Variants in SLC9A2 observed in about 807,000 individuals in gnomAD.
SLC9A2 encodes sodium/hydrogen exchanger 2.
A neutral mutation model predicts 71.7 loss-of-function variants in SLC9A2; 42 were observed. That is an observed-to-expected ratio of 0.59 (90% CI 0.46 to 0.76). SLC9A2 has a LOEUF of 0.76. Among genes scored for constraint, SLC9A2 ranks in the 30% least tolerant of loss-of-function variants. SLC9A2 has a pLI of 0.00. For synonymous variants in SLC9A2, 396 were observed against 392.5 expected, an observed-to-expected ratio of 1.01 and a Z score of -0.10; for missense variants, 829 against 1,017.4, an observed-to-expected ratio of 0.81 and a Z score of 2.52.
At chr2:102,707,436 C>A (rs138262028) in intron 11 of SLC9A2, among the ~76,000 whole-genome samples, 1 of 151,972 alleles carries the variant, frequency 6.6e-6, no homozygotes, top group African/African-American at 2.4e-5. Flanking sequence ...AACAGTGGCC[C>A]GTGGTCCCAC....
rs765111679 is a variant in SLC9A2, at chr2:102,669,196, T to A, written c.1004+3846T>A. 7.2e-5 allele frequency among the ~76,000 whole-genome samples: 11 copies of A among 152,232 alleles called. 1 individual carries two copies. The highest frequency in any genetic ancestry group is 1.5e-5 in the Non-Finnish European group (1 of 68,038). On this transcript the variant is annotated intron_variant, in intron 3 of 11. Coordinates refer to ENST00000233969, the MANE Select transcript of SLC9A2 (RefSeq NM_003048.6). ...AATTAAATAATGAGGTGAAATCTTC[T>A]GTCTTACAAAATATTTGGAGAGATG...
intron 1 of SLC9A2, among the ~76,000 whole-genome samples, chr2:102,650,930 A>G (rs1250053355): frequency 6.6e-6 from 1 of 152,150 alleles, no homozygotes; most frequent in Admixed American, 6.6e-5. Flanking sequence ...TGTTTTAAGG[A>G]TTTCTGATTG....
chr2:102,660,125 G>A (rs1260149470), intron 2 of SLC9A2, among the ~76,000 whole-genome samples: 5 of 152,170 alleles, frequency 3.3e-5, no homozygotes, highest in Non-Finnish European at 5.9e-5. Context: ...AAGGTAGCAG[G>A]CCATCCAGAC....
At chr2:102,666,762 C>A (rs139406564) in intron 3 of SLC9A2, among the ~76,000 whole-genome samples, 1 of 152,084 alleles carries the variant, frequency 6.6e-6, no homozygotes, top group African/African-American at 2.4e-5. Flanking sequence ...TATGGTAAGA[C>A]CCTGTATACG....
At chr2:102,633,542 G>A (rs915747346) in intron 1 of SLC9A2, among the ~76,000 whole-genome samples, 4 of 152,078 alleles carry the variant, frequency 2.6e-5, no homozygotes, top group Non-Finnish European at 2.9e-5. Context: ...ATTCTGTGAG[G>A]ACGAATCAAA....
intron 1 of SLC9A2, among the ~76,000 whole-genome samples, chr2:102,631,262 C>T (rs954892900): frequency 6.6e-6 from 1 of 151,690 alleles, no homozygotes; most frequent in South Asian, 2.1e-4. Context: ...ATTTCTTTTC[C>T]TTCCTTTTTT....
chr2:102,642,898 C>A (rs1249865670), intron 1 of SLC9A2, among the ~76,000 whole-genome samples: 1 of 152,132 alleles, frequency 6.6e-6, no homozygotes, highest in African/African-American at 2.4e-5. Context: ...ATATTTTCTT[C>A]ACCAACACAA....
chr2:102,655,001 A>T (rs918307419), intron 1 of SLC9A2, among the ~76,000 whole-genome samples: 3 of 152,180 alleles, frequency 2.0e-5, no homozygotes, highest in African/African-American at 7.2e-5. Flanking sequence ...AGGACTGGAG[A>T]TTGCTCTGGG....
intron 1 of SLC9A2, among the ~76,000 whole-genome samples, chr2:102,632,013 T>G (rs796303519): frequency 0.13 from 9,528 of 73,724 alleles, 1,485 homozygotes; most frequent in East Asian, 0.38. Context: ...TATATATATA[T>G]ATATATATAT....
intron 5 of SLC9A2, among the ~76,000 whole-genome samples, chr2:102,692,057 G>GAAC (rs1677674389): frequency 6.6e-6 from 1 of 152,318 alleles, no homozygotes; most frequent in African/African-American, 2.4e-5. Flanking sequence ...ATGGAATCTG[G>GAAC]AACTTAGTGA....
At chr2:102,688,260 A>G (rs1486809888) in intron 5 of SLC9A2, among the ~76,000 whole-genome samples, 2 of 152,142 alleles carry the variant, frequency 1.3e-5, no homozygotes, top group Non-Finnish European at 2.9e-5. Flanking sequence ...GAGTAAGACT[A>G]TTGTGGGTTG....
chr2:102,700,452 T>C (rs984169162), intron 7 of SLC9A2, among the ~76,000 whole-genome samples: 8 of 151,846 alleles, frequency 5.3e-5, no homozygotes, highest in African/African-American at 1.9e-4. Flanking sequence ...GAGAAGGAGG[T>C]TGGGGTACCC....
In SLC9A2 at chr2:102,656,156, C is replaced by A. The variant is rs560893275; in HGVS notation, c.290-1408C>A. 3.9e-4 allele frequency among the ~76,000 whole-genome samples: 60 copies of A among 152,332 alleles called. 3 individuals carry two copies. The South Asian group carries it at 0.012, about 30-fold the overall frequency. ...GTCTTGCAAATAAGTGCGCTCCAAA[C>A]TTAAGCTCTGTCCAGTGACCTTCGT... On this transcript the variant is annotated intron_variant, in intron 1 of 11. Transcript: ENST00000233969.
At chr2:102,625,655 A>C (rs926859224) in intron 1 of SLC9A2, among the ~76,000 whole-genome samples, 9 of 151,998 alleles carry the variant, frequency 5.9e-5, no homozygotes, top group Non-Finnish European at 1.2e-4. Context: ...TGAACTCATC[A>C]TTTTTTACAG....
At chr2:102,693,735 CTTTGTAACTGT>C in intron 5 of SLC9A2, among the ~76,000 whole-genome samples, 1 of 152,298 alleles carries the variant, frequency 6.6e-6, no homozygotes, top group African/African-American at 2.4e-5. Flanking sequence ...CTTCTGCTTA[CTTTGTAACTGT>C]TTTCGGAAGT....
chr2:102,696,906 A>C (rs1023008248), intron 7 of SLC9A2, among the ~76,000 whole-genome samples: 10 of 152,158 alleles, frequency 6.6e-5, no homozygotes, highest in Admixed American at 5.2e-4. Context: ...CAGGTGGTAG[A>C]CCAGAGATCC....
At chr2:102,677,419 T>C (rs148256317) in intron 3 of SLC9A2, among the ~76,000 whole-genome samples, 2 of 152,296 alleles carry the variant, frequency 1.3e-5, no homozygotes, top group Admixed American at 6.5e-5. Flanking sequence ...CCACTAATTA[T>C]AGTGCTCTCC....
intron 9 of SLC9A2, among the ~76,000 whole-genome samples, chr2:102,703,472 A>G (rs1677913667): frequency 6.6e-6 from 1 of 152,162 alleles, no homozygotes; most frequent in African/African-American, 2.4e-5. Context: ...TCCAGTTTTT[A>G]AGGCTCCCCC....
chr2:102,694,501 C>A lies in SLC9A2; in HGVS notation c.1513C>A (p.Arg505=). 6.7e-7 allele frequency: 1 copy of A among 1,500,738 alleles called. No homozygotes were observed. Among genetic ancestry groups the A allele is most frequent in the South Asian group, 1.3e-5 (1 of 76,528 alleles). The allele number at this position is 1,500,738 out of a possible 1,614,324, so 93.0% of individuals were successfully genotyped here. A position where few individuals can be genotyped will look rare whatever the true frequency, so the allele number is the denominator to read the frequency against. The change falls in exon 6 of 12, where the codon CGG becomes AGG. Residue 505 remains arginine (R), a splice_region_variant and synonymous_variant. Coordinates refer to ENST00000233969, the MANE Select transcript of SLC9A2 (RefSeq NM_003048.6). ...QQAVSEEIYC[R]LFDHVKTGIE... ...AGCTGTCAGTGAAGAAATCTATTGT[C>A]GGGTAGGTGTTAAGAGAGTGTAATA... is the stretch of plus-strand genomic sequence containing the variant.
Sources: gnomAD v4.1 joint callset for allele counts (sites outside exome capture counted in the v4.1 genomes callset) on GRCh38, gnomAD v4.1.1 for gene constraint, MANE v1.5 for transcripts, NCBI Gene and HGNC (gene_info 2026-07-23, HGNC 2026-07-21) for gene names.